Variants in QRSL1 observed in about 807,000 individuals in gnomAD.
QRSL1 encodes glutamyl-tRNA(Gln) amidotransferase subunit A, mitochondrial.
In QRSL1, 54 loss-of-function variants were observed where a neutral mutation model predicts 61.6. The observed-to-expected ratio is 0.88, with a 90% confidence interval of 0.70 to 1.10. QRSL1 has a LOEUF of 1.10. Ranked by LOEUF, QRSL1 falls within the 50% of genes least tolerant of loss-of-function variation. The pLI is 0.00. For missense variants in QRSL1, 505 were observed against 622.6 expected (o/e 0.81, Z 2.01); for synonymous variants, 228 against 225.7 (o/e 1.01, Z -0.09).
chr6:106,651,088 C>T (rs1777182229), intron 5 of QRSL1, among the ~76,000 whole-genome samples: 1 of 152,154 alleles, frequency 6.6e-6, no homozygotes, highest in Admixed American at 6.6e-5. Flanking sequence ...CCTCTCCCAG[C>T]CCTGGTAACC....
At chr6:106,639,741 C>A (rs576667040) in intron 1 of QRSL1, among the ~76,000 whole-genome samples, 1 of 152,192 alleles carries the variant, frequency 6.6e-6, no homozygotes, top group South Asian at 2.1e-4. Flanking sequence ...CAGTCACTTT[C>A]GGTGCAGTTT....
intron 1 of QRSL1, among the ~76,000 whole-genome samples, chr6:106,638,778 C>T (rs1478260650): frequency 6.6e-6 from 1 of 152,170 alleles, no homozygotes; most frequent in Non-Finnish European, 1.5e-5. Flanking sequence ...TTGATGACCT[C>T]TTCCCACTGC....
intron 1 of QRSL1, among the ~76,000 whole-genome samples, chr6:106,633,752 G>A (rs1425933509): frequency 6.6e-6 from 1 of 152,074 alleles, no homozygotes; most frequent in African/African-American, 2.4e-5. Flanking sequence ...GCTTCTTGGA[G>A]CTTCAACTTT....
At position 106,665,908 on chromosome 6, in the gene QRSL1, T is replaced by C. The variant is rs150101024; in HGVS notation, c.1493T>C (p.Val498Ala). The C allele has an allele frequency of 1.2e-6, 2 of 1,613,864 alleles. No individual in the cohort carries two copies. Among genetic ancestry groups the C allele is most frequent in the African/African-American group, 1.3e-5 (1 of 74,932 alleles). Residue 498 changes from valine to alanine, a missense_variant, in exon 11 of 11, where the codon GTA becomes GCA. By Grantham distance (64) the Val-to-Ala change is moderately conservative (BLOSUM62 0). Transcript: ENST00000369046. ...GTAGCCAAATGGTTTGAAAAACAAG[T>C]ACAGTTTCCTGTTATTCAACTTCAA... is the stretch of plus-strand genomic sequence containing the variant. ...LTVAKWFEKQ[V>A]QFPVIQLQEL...
At chr6:106,630,593 CAG>C (rs1322181374) in intron 1 of QRSL1, among the ~76,000 whole-genome samples, 3 of 152,160 alleles carry the variant, frequency 2.0e-5, no homozygotes, top group Non-Finnish European at 2.9e-5. Context: ...CCATTGCTAT[CAG>C]AGTCACATAA....
intron 1 of QRSL1, among the ~76,000 whole-genome samples, chr6:106,633,080 G>C (rs748112918): frequency 5.9e-5 from 9 of 152,146 alleles, no homozygotes; most frequent in Non-Finnish European, 1.0e-4. Flanking sequence ...TTGCCGCATG[G>C]GGGGAGAAAA....
At chr6:106,660,083 C>G (rs1228856709) in intron 9 of QRSL1, among the ~76,000 whole-genome samples, 1 of 152,222 alleles carries the variant, frequency 6.6e-6, no homozygotes, top group Non-Finnish European at 1.5e-5. Context: ...CTTCAGATCT[C>G]TGTCCCTTTA....
chr6:106,636,561 T>C (rs571495761), intron 1 of QRSL1, among the ~76,000 whole-genome samples: 25 of 152,236 alleles, frequency 1.6e-4, no homozygotes, highest in Non-Finnish European at 2.4e-4. Context: ...CCTTGTAATC[T>C]GCCCGCCTTG....
chr6:106,660,332 C>T (rs189228239), intron 9 of QRSL1, among the ~76,000 whole-genome samples: 1 of 138,502 alleles, frequency 7.2e-6, no homozygotes, highest in East Asian at 2.9e-4. Context: ...CACTCCCCAC[C>T]CCCCCCGTGA....
intron 1 of QRSL1, among the ~76,000 whole-genome samples, chr6:106,636,445 C>T (rs1776922481): frequency 6.6e-6 from 1 of 152,168 alleles, no homozygotes; most frequent in East Asian, 1.9e-4. Context: ...CTTAGCCTCC[C>T]AAGTAGCTGG....
chr6:106,660,695 G>T (rs1330892846), intron 9 of QRSL1, among the ~76,000 whole-genome samples: 2 of 151,644 alleles, frequency 1.3e-5, no homozygotes, highest in African/African-American at 4.8e-5. Context: ...GATTTATAAT[G>T]AACGGAGATT....
intron 10 of QRSL1, 64 bp from the exon 11 acceptor site, chr6:106,665,718 G>A (rs1421468593): frequency 6.6e-6 from 9 of 1,371,746 alleles, no homozygotes; most frequent in Admixed American, 1.7e-5. Flanking sequence ...ACTGGAAAGT[G>A]GAAGAGGTCT....
intron 10 of QRSL1, among the ~76,000 whole-genome samples, chr6:106,663,510 T>C (rs1777391287): frequency 6.6e-6 from 1 of 152,200 alleles, no homozygotes; most frequent in Admixed American, 6.5e-5. Flanking sequence ...AGTAGCCATG[T>C]CTTACATGGC....
chr6:106,644,723 T>A (rs940886457), intron 4 of QRSL1, among the ~76,000 whole-genome samples: 91 of 152,230 alleles, frequency 6.0e-4, no homozygotes, highest in African/African-American at 2.1e-3. Flanking sequence ...TTTCACCGCG[T>A]TGGCCAGGCT....
At chr6:106,635,010 T>A (rs1776899050) in intron 1 of QRSL1, among the ~76,000 whole-genome samples, 1 of 151,782 alleles carries the variant, frequency 6.6e-6, no homozygotes, top group African/African-American at 2.4e-5. Context: ...AGAGTTTTGT[T>A]CTGGATGTGT....
Position 106,642,992 on chromosome 6 carries a change from A to G in QRSL1, c.284-2A>G. 1.9e-6 allele frequency: 3 copies of G among 1,586,306 alleles called. No homozygotes were observed. The highest frequency in any genetic ancestry group is 2.6e-6 in the Non-Finnish European group (3 of 1,168,924). ...AAATAATAGTAACTAAATTTTTTTC[A>G]GGTTATATACCACCTTATAATGCTA... is the stretch of plus-strand genomic sequence containing the variant. On this transcript the variant is annotated splice_acceptor_variant, in intron 3 of 10. Coordinates refer to ENST00000369046, the MANE Select transcript of QRSL1 (RefSeq NM_018292.5). LOFTEE classifies it high-confidence loss of function.
Position 106,662,999 on chromosome 6 carries a change from G to A in QRSL1, c.1180G>A (p.Val394Ile), listed in dbSNP as rs559338514. The change falls in exon 10 of 11, where the codon GTC (valine) becomes ATC (isoleucine). Residue 394 changes from valine to isoleucine, a missense_variant. Physicochemically the swap from Val to Ile is conservative, Grantham distance 29 (BLOSUM62 3). Coordinates refer to ENST00000369046, the MANE Select transcript of QRSL1 (RefSeq NM_018292.5). ...LLKENYENYF[V>I]KAQKVRRLIA... ...CCACAGAAACTATGAAAATTATTTTGTCAAAGCACAGAAAGTGAGACGCCT... is the reference window on the plus strand; with the variant it reads ...CCACAGAAACTATGAAAATTATTTTATCAAAGCACAGAAAGTGAGACGCCT... 6.2e-7 allele frequency: 1 copy of A among 1,610,280 alleles called. No homozygotes were observed. The highest frequency in any genetic ancestry group is 1.1e-5 in the South Asian group (1 of 90,986).
intron 4 of QRSL1, among the ~76,000 whole-genome samples, chr6:106,647,373 C>T (rs1362677873): frequency 4.0e-5 from 6 of 151,664 alleles, no homozygotes; most frequent in Non-Finnish European, 7.4e-5. Context: ...GGCACAGTGG[C>T]CCACACCTGT....
At position 106,666,964 on chromosome 6, in the gene QRSL1, A is replaced by C. The variant is rs1056024841; in HGVS notation, c.*962A>C. 6.6e-6 allele frequency: 1 copy of C among 152,174 alleles called. No homozygotes were observed. Among genetic ancestry groups the C allele is most frequent in the African/African-American group, 2.4e-5 (1 of 41,436 alleles). The allele number at this position is 152,174 out of a possible 1,614,324, so 9.4% of individuals were successfully genotyped here. A position where few individuals can be genotyped will look rare whatever the true frequency, so the allele number is the denominator to read the frequency against. On this transcript the variant is annotated 3_prime_UTR_variant, in exon 11 of 11. Transcript: ENST00000369046. ...ACTTTCCTTTCCTCCTTAGAGTTAC[A>C]ATTTTACTTCTGCTATTCCGGAGCC...
Sources: gnomAD v4.1 joint callset for allele counts (sites outside exome capture counted in the v4.1 genomes callset) on GRCh38, gnomAD v4.1.1 for gene constraint, MANE v1.5 for transcripts, NCBI Gene and HGNC (gene_info 2026-07-23, HGNC 2026-07-21) for gene names.